The following NIN variants were observed in gnomAD, a reference collection of about 807,000 sequenced individuals.
NIN encodes glycogen synthase kinase 3 beta-interacting protein.
In NIN, 137 loss-of-function variants were observed where a neutral mutation model predicts 257.6. That is an observed-to-expected ratio of 0.53 (90% CI 0.46 to 0.61). NIN has a LOEUF of 0.61. NIN is among the 20% of genes least tolerant of loss of function. NIN has a pLI of 0.00. For synonymous variants in NIN, 918 were observed against 919.8 expected (o/e 1.00, Z 0.04); for missense variants, 2,439 against 2,501.2 (o/e 0.98, Z 0.53).
rs141364679 is a variant in NIN, at chr14:50,776,113, T to C, written c.666+836A>G. On this transcript the variant is annotated intron_variant, in intron 7 of 30. Coordinates refer to ENST00000530997, the MANE Select transcript of NIN (RefSeq NM_020921.4). ...GAAAGCATGGTTTCAAATATCATTATAATCAAAGATTCCCAAAGCGACAAC... is the reference window on the plus strand; with the variant it reads ...GAAAGCATGGTTTCAAATATCATTACAATCAAAGATTCCCAAAGCGACAAC... Among the ~76,000 whole-genome samples, 1,059 of 152,312 alleles carry C rather than the reference T, an allele frequency of 7.0e-3. 18 individuals are homozygous for C. The highest frequency in any genetic ancestry group is 0.024 in the African/African-American group (1,017 of 41,574).
intron 21 of NIN, 60 bp from the exon 22 acceptor site, chr14:50,748,165 C>A: frequency 8.9e-7 from 1 of 1,127,288 alleles, no homozygotes. Context: ...GGGAAACTTA[C>A]CAGGTTCATA....
intron 29 of NIN, among the ~76,000 whole-genome samples, chr14:50,729,170 A>G (rs546030908): frequency 1.3e-5 from 2 of 152,334 alleles, no homozygotes; most frequent in South Asian, 4.1e-4. Context: ...TTAGAAGCTG[A>G]GAGCTCAAAA....
In NIN at chr14:50,794,279, G is replaced by A. The variant is rs569338174; in HGVS notation, c.266-1398C>T. Among the ~76,000 whole-genome samples the A allele has an allele frequency of 5.9e-5, 9 of 152,292 alleles. No homozygotes were observed. In the South Asian group the frequency reaches 1.0e-3, roughly 18 times the overall value. On this transcript the variant is annotated intron_variant, in intron 4 of 30. Coordinates refer to ENST00000530997, the MANE Select transcript of NIN (RefSeq NM_020921.4). ...GAACATGCTCAGCAAAGCTCAGAGT[G>A]AAGTATTTATGGTAGCTATATAATT...
At chr14:50,818,999 T>C (rs1411973023) in intron 3 of NIN, among the ~76,000 whole-genome samples, 3 of 152,242 alleles carry the variant, frequency 2.0e-5, no homozygotes, top group Non-Finnish European at 4.4e-5. Flanking sequence ...TCCATCTTAC[T>C]TCTTTTTCAA....
At chr14:50,787,940 G>C (rs1454317156) in intron 5 of NIN, among the ~76,000 whole-genome samples, 2 of 152,042 alleles carry the variant, frequency 1.3e-5, no homozygotes, top group Non-Finnish European at 2.9e-5. Context: ...GTTTCAGCAG[G>C]AAAGAATCAA....
intron 5 of NIN, among the ~76,000 whole-genome samples, chr14:50,779,214 G>C (rs959538409): frequency 6.6e-6 from 1 of 152,206 alleles, no homozygotes; most frequent in Admixed American, 6.5e-5. Context: ...TACTGTGCTA[G>C]GTCTTGGTAA....
chr14:50,740,255 C>G (rs1232350019), intron 25 of NIN, among the ~76,000 whole-genome samples: 1 of 149,832 alleles, frequency 6.7e-6, no homozygotes, highest in Non-Finnish European at 1.5e-5. Context: ...GGCACGATCT[C>G]AGCTCACTGC....
At chr14:50,761,539 G>T (rs1013322302) in intron 16 of NIN, among the ~76,000 whole-genome samples, 7 of 152,100 alleles carry the variant, frequency 4.6e-5, no homozygotes, top group African/African-American at 1.7e-4. Context: ...TTTTAAAAAA[G>T]AAATTGGGAG....
intron 4 of NIN, among the ~76,000 whole-genome samples, chr14:50,804,780 T>G (rs57463998): frequency 6.6e-6 from 1 of 152,070 alleles, no homozygotes; most frequent in Non-Finnish European, 1.5e-5. Context: ...ACACTAATGA[T>G]TGCTGATGAG....
Position 50,758,184 on chromosome 14 carries a change from C to T in NIN, c.2846G>A (p.Arg949Lys). 1 of 1,614,222 alleles carries T rather than the reference C, an allele frequency of 6.2e-7. No homozygotes were observed. The highest frequency in any genetic ancestry group is 8.5e-7 in the Non-Finnish European group (1 of 1,180,022). Reference sequence around the variant, plus strand: ...CTGGCACAGGACCTCCTCACGCTCCCTCAGTTCCCTTTTGTGACTGCTCTT... The same window carrying T: ...CTGGCACAGGACCTCCTCACGCTCCTTCAGTTCCCTTTTGTGACTGCTCTT... The part of the protein sequence containing the change: ...ELKSSHKREL[R>K]EREEVLCQAG... The change falls in exon 18 of 31, where the codon AGG (arginine) becomes AAG (lysine). Residue 949 changes from arginine (R) to lysine (K), a missense_variant. Around this residue, in one of 3 missense-constraint regions of NIN, gnomAD observed 2,043 missense variants for 2,050.2 expected, o/e 1.00. Coordinates refer to ENST00000530997, the MANE Select transcript of NIN (RefSeq NM_020921.4).
At position 50,757,890 on chromosome 14, in the gene NIN, TCTC is replaced by T. The variant is rs1252900533; in HGVS notation, c.3137_3139del (p.Gly1046del). On this transcript the variant is annotated inframe_deletion, in exon 18 of 31. Transcript: ENST00000530997. ...TTGCTGAAGCAGGGACAGGGCTCCA[TCTC>T]CTTCCACCTCCTCCTCTCCTATCAC... is the stretch of plus-strand genomic sequence containing the variant. The T allele has an allele frequency of 6.2e-7, 1 of 1,614,102 alleles. No individual in the cohort carries two copies. The highest frequency in any genetic ancestry group is 8.5e-7 in the Non-Finnish European group (1 of 1,180,012).
chr14:50,821,802 C>A, intron 3 of NIN, 72 bp downstream of exon 3: 1 of 1,250,252 alleles, frequency 8.0e-7, no homozygotes, highest in South Asian at 1.3e-5. Context: ...CATGTGTGGT[C>A]CGCCCCACCC....
At chr14:50,762,568 T>G (rs568143467) in intron 15 of NIN, among the ~76,000 whole-genome samples, 2 of 152,288 alleles carry the variant, frequency 1.3e-5, no homozygotes, top group East Asian at 3.8e-4. Flanking sequence ...GGGCATAGGT[T>G]AGGAACCAGG....
intron 4 of NIN, among the ~76,000 whole-genome samples, chr14:50,800,334 T>G (rs2044042300): frequency 6.6e-6 from 1 of 152,212 alleles, no homozygotes; most frequent in South Asian, 2.1e-4. Flanking sequence ...AAAAAGTGTT[T>G]CAGATTTTAG....
Position 50,792,775 on chromosome 14 carries a change from C to A in NIN, c.372G>T (p.Thr124=). 1 of 1,614,194 alleles carries A rather than the reference C, an allele frequency of 6.2e-7. No individual in the cohort carries two copies. The change falls in exon 5 of 31, where the codon ACG becomes ACT. Residue 124 remains threonine (T), a synonymous_variant. Coordinates refer to ENST00000530997, the MANE Select transcript of NIN (RefSeq NM_020921.4). ...CTTCTTCATCCAGTGGCTCAATCAC[C>A]GTCACTTCAGGAAACTCCTCCACGG... The part of the protein sequence containing the change: ...QESVEEFPEV[T]VIEPLDEEAR...
intron 5 of NIN, among the ~76,000 whole-genome samples, chr14:50,781,551 T>G (rs1595858290): frequency 6.6e-6 from 1 of 152,226 alleles, no homozygotes; most frequent in East Asian, 1.9e-4. Flanking sequence ...TCTGGGACAG[T>G]ACTTCCCTGC....
intron 5 of NIN, among the ~76,000 whole-genome samples, chr14:50,783,133 C>A (rs2043202502): frequency 6.6e-6 from 1 of 152,142 alleles, no homozygotes; most frequent in Non-Finnish European, 1.5e-5. Flanking sequence ...CTCTGTTCTG[C>A]AGCCTCAACC....
intron 5 of NIN, among the ~76,000 whole-genome samples, chr14:50,782,745 T>C (rs970316880): frequency 1.3e-5 from 2 of 152,214 alleles, no homozygotes; most frequent in African/African-American, 4.8e-5. Flanking sequence ...GGGGGTGGGA[T>C]AAAGGGAAGC....
At chr14:50,761,738 G>A in intron 16 of NIN, 52 bp downstream of exon 16, 1 of 1,606,936 alleles carries the variant, frequency 6.2e-7, no homozygotes, top group South Asian at 1.1e-5. Flanking sequence ...ACACACATAA[G>A]CCTGTCAGAG....
Sources: allele counts gnomAD v4.1 joint callset (sites outside exome capture counted in the v4.1 genomes callset), GRCh38; gene constraint gnomAD v4.1.1; regional missense constraint gnomAD v4.1.1; transcripts MANE v1.5; gene names NCBI Gene and HGNC (gene_info 2026-07-23, HGNC 2026-07-21).